EPS8: variants seen among roughly 807,000 people sequenced by gnomAD.
EPS8 encodes epidermal growth factor receptor kinase substrate 8.
A neutral mutation model predicts 103.8 loss-of-function variants in EPS8; 42 were observed. The observed-to-expected ratio is 0.40, with a 90% CI of 0.32 to 0.52. The LOEUF is 0.52. EPS8 is among the 20% of genes least tolerant of loss of function. EPS8 has a pLI of 0.40. For missense variants in EPS8, 969 were observed against 1,005.1 expected (o/e 0.96, Z 0.49); for synonymous variants, 344 against 344.6 (o/e 1.00, Z 0.02).
chr12:15,652,530 T>C (rs922719621), intron 13 of EPS8, among the ~76,000 whole-genome samples: 2 of 152,166 alleles, frequency 1.3e-5, no homozygotes, highest in East Asian at 3.8e-4. Flanking sequence ...ATTATACGAA[T>C]GTATCAAACT....
chr12:15,642,633 C>T (rs971662825), intron 15 of EPS8, among the ~76,000 whole-genome samples: 1 of 152,026 alleles, frequency 6.6e-6, no homozygotes, highest in Admixed American at 6.6e-5. Context: ...TACTTTAACC[C>T]TTTATTAATT....
chr12:15,773,149 G>A (rs2136045441), intron 1 of EPS8, among the ~76,000 whole-genome samples: 2 of 152,182 alleles, frequency 1.3e-5, no homozygotes, highest in South Asian at 4.1e-4. Flanking sequence ...TTCCATATAT[G>A]CAGAATACCT....
intron 1 of EPS8, among the ~76,000 whole-genome samples, chr12:15,766,140 T>A (rs1378475161): frequency 6.6e-6 from 1 of 151,244 alleles, no homozygotes; most frequent in Non-Finnish European, 1.5e-5. Context: ...AGAAAAAAAA[T>A]ACTCTTCAGC....
Position 15,763,170 on chromosome 12 carries a change from G to T in EPS8, c.-22+25991C>A, listed in dbSNP as rs12368893. ...GGCTTATATTTTAAAATAGATAGGA[G>T]TTGCTTGTTGTTGTTTTTTTTCCTA... On this transcript the variant is annotated intron_variant, in intron 1 of 20. Coordinates refer to ENST00000281172, the MANE Select transcript of EPS8 (RefSeq NM_004447.6). Among the ~76,000 whole-genome samples the T allele has an allele frequency of 7.9e-3, 1,196 of 152,208 alleles. 12 individuals are homozygous for T. Among genetic ancestry groups the T allele is most frequent in the Non-Finnish European group, 9.8e-3 (669 of 68,016 alleles).
intron 19 of EPS8, 43 bp downstream of exon 19, chr12:15,624,184 T>A: frequency 2.0e-6 from 3 of 1,497,876 alleles, no homozygotes; most frequent in Non-Finnish European, 2.8e-6. Context: ...AAACAATGCA[T>A]GTTGTACACA....
chr12:15,672,602 T>C (rs1014889134), intron 3 of EPS8: 1 of 395,686 alleles, frequency 2.5e-6, no homozygotes, highest in Non-Finnish European at 4.5e-6. Flanking sequence ...ATGACTGTAT[T>C]CTACATATTT....
rs1947055532 is a variant in EPS8 at position 15,762,802 on chromosome 12, A to T, written c.-22+26359T>A. Among the ~76,000 whole-genome samples the T allele has an allele frequency of 6.6e-6, 1 of 152,198 alleles. No individual in the cohort carries two copies. ...AGGTGAAGTGGGGATATGGTTAATG[A>T]GTATTAAAAAATAGTTAAAAAGAAT... On this transcript the variant is annotated intron_variant, in intron 1 of 20. Coordinates refer to ENST00000281172, the MANE Select transcript of EPS8 (RefSeq NM_004447.6). The surrounding 1 kb of genome is among the most constrained non-coding windows in gnomAD (Gnocchi z 4.8).
chr12:15,714,447 G>T lies in EPS8; in HGVS notation c.-21-31475C>A, dbSNP rs911611469. On this transcript the variant is annotated intron_variant, in intron 1 of 20. Transcript: ENST00000281172. This position sits in a 1 kb window ranked among gnomAD's most constrained non-coding sequence, Gnocchi z 4.1. ...CCTTGAGTCCAGGAAGTCAAGAGCA[G>T]CCTGGGCAACATACCAAGACCCCAT... is the stretch of plus-strand genomic sequence containing the variant. Among the ~76,000 whole-genome samples, 1 of 152,122 alleles carries T rather than the reference G, an allele frequency of 6.6e-6. No homozygotes were observed. The highest frequency in any genetic ancestry group is 6.5e-5 in the Admixed American group (1 of 15,276).
chr12:15,656,173 G>C (rs1945504821), intron 12 of EPS8, among the ~76,000 whole-genome samples: 1 of 152,076 alleles, frequency 6.6e-6, no homozygotes, highest in Admixed American at 6.6e-5. Flanking sequence ...TAAATAAGAG[G>C]AGGCAGCAAA....
At chr12:15,681,728 CAAAAAAAA>C (rs71042267) in intron 2 of EPS8, among the ~76,000 whole-genome samples, 1 of 39,226 alleles carries the variant, frequency 2.5e-5, no homozygotes, top group African/African-American at 9.5e-5. Context: ...GACTCTGTCT[CAAAAAAAA>C]AAAAAAAAAA....
intron 16 of EPS8, 118 bp from the exon 17 acceptor site, chr12:15,640,964 C>T: frequency 1.3e-6 from 1 of 785,670 alleles, no homozygotes; most frequent in Non-Finnish European, 2.1e-6. Flanking sequence ...TCAGCATCAA[C>T]ATAGTGTTGA....
chr12:15,650,802 C>A (rs1229919110), intron 14 of EPS8, 21 bp downstream of exon 14: 4 of 1,585,878 alleles, frequency 2.5e-6, no homozygotes, highest in Non-Finnish European at 8.6e-7. Flanking sequence ...CTACAGAGGG[C>A]AATGTTAAAA....
chr12:15,625,083 C>T (rs1286260229), intron 18 of EPS8, among the ~76,000 whole-genome samples: 1 of 152,138 alleles, frequency 6.6e-6, no homozygotes, highest in Non-Finnish European at 1.5e-5. Context: ...ACCCTATTCC[C>T]CAATCCTCAC....
intron 15 of EPS8, among the ~76,000 whole-genome samples, chr12:15,645,693 G>T (rs550346886): frequency 6.6e-5 from 10 of 152,224 alleles, no homozygotes; most frequent in African/African-American, 2.4e-4. Context: ...TTATAGATAT[G>T]CAGGTGAAGG....
intron 15 of EPS8, among the ~76,000 whole-genome samples, chr12:15,644,599 G>A (rs1329413403): frequency 6.6e-6 from 1 of 151,846 alleles, no homozygotes; most frequent in Non-Finnish European, 1.5e-5. Context: ...TCAGGAGGTT[G>A]AGGCAGGAGA....
At chr12:15,669,937 C>T (rs934904672) in intron 4 of EPS8, 112 bp from the exon 5 acceptor site, 21 of 712,526 alleles carry the variant, frequency 2.9e-5, no homozygotes, top group Non-Finnish European at 3.6e-5. Context: ...TAGCAGAGAA[C>T]GACAAACACA....
intron 1 of EPS8, among the ~76,000 whole-genome samples, chr12:15,724,683 A>G (rs188269182): frequency 4.2e-4 from 64 of 152,298 alleles, no homozygotes; most frequent in Non-Finnish European, 8.8e-4. Context: ...AGTGTCCTCC[A>G]TACTGTTTTC....
chr12:15,663,739 A>G (rs774957438), intron 8 of EPS8, among the ~76,000 whole-genome samples: 2 of 151,298 alleles, frequency 1.3e-5, no homozygotes, highest in Non-Finnish European at 2.9e-5. Flanking sequence ...CCTGGCTAAC[A>G]CAGTGAAACT....
At chr12:15,664,789 T>C (rs1945678789) in intron 8 of EPS8, among the ~76,000 whole-genome samples, 1 of 152,196 alleles carries the variant, frequency 6.6e-6, no homozygotes, top group Admixed American at 6.5e-5. Context: ...CTAGAGTTCA[T>C]CAGATTGGAG....
Sources: allele counts gnomAD v4.1 joint callset (sites outside exome capture counted in the v4.1 genomes callset), GRCh38; gene constraint gnomAD v4.1.1; non-coding constraint Gnocchi (gnomAD v3.1); transcripts MANE v1.5; gene names NCBI Gene and HGNC (gene_info 2026-07-23, HGNC 2026-07-21).